PPP3R1: variants seen among roughly 807,000 people sequenced by gnomAD.
PPP3R1 encodes the protein calcineurin subunit B type 1.
Under a neutral mutation model 22.6 loss-of-function variants are expected in PPP3R1, and 5 were observed. The observed-to-expected ratio is 0.22, with a 90% CI of 0.12 to 0.46. The LOEUF is 0.46. PPP3R1 is among the 20% of genes least tolerant of loss of function. PPP3R1 has a pLI of 0.99. For missense variants in PPP3R1, 61 were observed against 203.2 expected, an observed-to-expected ratio of 0.30 and a Z score of 4.25; for synonymous variants, 56 against 65.2, an observed-to-expected ratio of 0.86 and a Z score of 0.68.
rs183611464 is a variant in PPP3R1, at chr2:68,190,173, G to A, written c.44-1483C>T. ...TCACACGTAATTCGTAAAGAGGAAG[G>A]AGAGTAGTATTGTCAGTAATCATGG... On this transcript the variant is annotated intron_variant, in intron 2 of 5. Transcript: ENST00000234310. Among the ~76,000 whole-genome samples, 3 of 147,824 alleles carry A rather than the reference G, an allele frequency of 2.0e-5. No individual in the cohort carries two copies. In the Admixed American group the frequency reaches 2.0e-4, roughly 10 times the overall value.
intron 2 of PPP3R1, among the ~76,000 whole-genome samples, chr2:68,207,682 G>T (rs1669339835): frequency 6.6e-6 from 1 of 152,168 alleles, no homozygotes; most frequent in African/African-American, 2.4e-5. Flanking sequence ...CATCCCCATT[G>T]GAGTTTATGC....
chr2:68,208,340 T>G (rs1669379293), intron 2 of PPP3R1, among the ~76,000 whole-genome samples: 1 of 152,212 alleles, frequency 6.6e-6, no homozygotes, highest in South Asian at 2.1e-4. Flanking sequence ...TTCAGTAAGC[T>G]TTTTTCTAAA....
At chr2:68,234,131 CAGG>C (rs1367660088) in intron 1 of PPP3R1, among the ~76,000 whole-genome samples, 3 of 152,086 alleles carry the variant, frequency 2.0e-5, no homozygotes, top group Non-Finnish European at 4.4e-5. Flanking sequence ...ATCACGAGGT[CAGG>C]AGATCAAGAC....
chr2:68,233,777 T>A (rs1299312602), intron 1 of PPP3R1, among the ~76,000 whole-genome samples: 1 of 152,156 alleles, frequency 6.6e-6, no homozygotes, highest in Non-Finnish European at 1.5e-5. Context: ...TACATTTCAA[T>A]GACTTTTTTC....
intron 1 of PPP3R1, among the ~76,000 whole-genome samples, chr2:68,234,507 A>C (rs1378919932): frequency 6.6e-6 from 1 of 152,198 alleles, no homozygotes; most frequent in Non-Finnish European, 1.5e-5. Context: ...AAGTTATTAC[A>C]GCCATTTTCT....
At chr2:68,250,692 T>C (rs1328396337) in intron 1 of PPP3R1, among the ~76,000 whole-genome samples, 1 of 152,236 alleles carries the variant, frequency 6.6e-6, no homozygotes, top group Non-Finnish European at 1.5e-5. Context: ...CCTCGCAAGT[T>C]GGCAAGGAAA....
intron 2 of PPP3R1, among the ~76,000 whole-genome samples, chr2:68,200,263 T>C (rs1219292180): frequency 1.3e-5 from 2 of 152,238 alleles, no homozygotes; most frequent in Non-Finnish European, 2.9e-5. Flanking sequence ...AGTGCTTTCA[T>C]TACTGATACT....
chr2:68,238,858 G>T (rs1670067106), intron 1 of PPP3R1, among the ~76,000 whole-genome samples: 1 of 152,056 alleles, frequency 6.6e-6, no homozygotes, highest in Admixed American at 6.6e-5. Flanking sequence ...AAAACCTCGT[G>T]TTCTTAAAAC....
chr2:68,199,807 A>G (rs1674935104), intron 2 of PPP3R1, among the ~76,000 whole-genome samples: 1 of 152,206 alleles, frequency 6.6e-6, no homozygotes, highest in Non-Finnish European at 1.5e-5. Flanking sequence ...GTGTTTTATC[A>G]TCCTTTTTAC....
rs147626937 is a variant in PPP3R1 at position 68,219,162 on chromosome 2, G to A, written c.4-2031C>T. Among the ~76,000 whole-genome samples, 594 of 152,130 alleles carry A rather than the reference G, an allele frequency of 3.9e-3. 11 individuals carry two copies. The highest frequency in any genetic ancestry group is 0.028 in the Admixed American group (433 of 15,248). On this transcript the variant is annotated intron_variant, in intron 1 of 5. Transcript: ENST00000234310. ...TAAAGTCCTTTAATTAAGAGAACTCGTATCTCTGTAGTCACTCTCCCAAAC... is the reference window on the plus strand; with the variant it reads ...TAAAGTCCTTTAATTAAGAGAACTCATATCTCTGTAGTCACTCTCCCAAAC...
intron 2 of PPP3R1, among the ~76,000 whole-genome samples, chr2:68,198,251 A>G (rs983737850): frequency 6.8e-5 from 10 of 146,270 alleles, no homozygotes; most frequent in South Asian, 4.3e-4. Context: ...ATATGTACAT[A>G]CATATGTATA....
intron 1 of PPP3R1, among the ~76,000 whole-genome samples, chr2:68,232,288 A>G (rs1192125503): frequency 7.0e-6 from 1 of 143,216 alleles, no homozygotes; most frequent in South Asian, 2.2e-4. Flanking sequence ...CACACACACA[A>G]AAATTAGCCA....
In PPP3R1 at chr2:68,193,387, C is replaced by T. The variant is rs188070812; in HGVS notation, c.44-4697G>A. 5.3e-5 allele frequency among the ~76,000 whole-genome samples: 8 copies of T among 152,192 alleles called. No individual in the cohort carries two copies. In the East Asian group the frequency reaches 1.5e-3, roughly 29 times the overall value. On this transcript the variant is annotated intron_variant, in intron 2 of 5. Coordinates refer to ENST00000234310, the MANE Select transcript of PPP3R1 (RefSeq NM_000945.4). ...TCATTTATTTCCTCATCTCCCTCCC[C>T]TCCTTTCAGCTACGATTACGATGAT...
At chr2:68,218,122 T>C (rs565993952) in intron 1 of PPP3R1, among the ~76,000 whole-genome samples, 3 of 152,306 alleles carry the variant, frequency 2.0e-5, no homozygotes, top group Admixed American at 2.0e-4. Flanking sequence ...CATCCTATAT[T>C]CTATTTATCT....
At chr2:68,224,764 C>T (rs1473751788) in intron 1 of PPP3R1, among the ~76,000 whole-genome samples, 1 of 151,292 alleles carries the variant, frequency 6.6e-6, no homozygotes, top group Non-Finnish European at 1.5e-5. Flanking sequence ...AACACACACA[C>T]ACAATTTTCA....
intron 2 of PPP3R1, among the ~76,000 whole-genome samples, chr2:68,201,408 TC>T (rs201979918): frequency 3.3e-5 from 5 of 152,170 alleles, no homozygotes; most frequent in Admixed American, 1.3e-4. Flanking sequence ...TCCCCCAGTT[TC>T]TTTTTTTTCT....
intron 5 of PPP3R1, among the ~76,000 whole-genome samples, chr2:68,183,980 T>C (rs1448589414): frequency 6.6e-6 from 1 of 152,162 alleles, no homozygotes; most frequent in Admixed American, 6.5e-5. Flanking sequence ...GTCCAGCTGC[T>C]AGGGAGTCAG....
chr2:68,213,080 C>G (rs1669515582), intron 2 of PPP3R1, among the ~76,000 whole-genome samples: 1 of 152,194 alleles, frequency 6.6e-6, no homozygotes, highest in Non-Finnish European at 1.5e-5. Flanking sequence ...CTATCCAGAC[C>G]ATAAAAATTT....
At chr2:68,247,965 G>A (rs934843681) in intron 1 of PPP3R1, among the ~76,000 whole-genome samples, 2 of 152,050 alleles carry the variant, frequency 1.3e-5, no homozygotes, top group Non-Finnish European at 1.5e-5. Flanking sequence ...CTTTAAAAAA[G>A]TAAATGAGAC....
Sources: gnomAD v4.1 joint callset for allele counts (sites outside exome capture counted in the v4.1 genomes callset) on GRCh38, gnomAD v4.1.1 for gene constraint, MANE v1.5 for transcripts, NCBI Gene and HGNC (gene_info 2026-07-23, HGNC 2026-07-21) for gene names.